DHRSX: variants seen among roughly 807,000 people sequenced by gnomAD.
DHRSX encodes the protein polyprenol dehydrogenase.
In DHRSX, 31 loss-of-function variants were observed where a neutral mutation model predicts 34.0. That is an observed-to-expected ratio of 0.91 (90% CI 0.69 to 1.23). The LOEUF (loss-of-function observed/expected upper bound fraction) is 1.23. DHRSX is among the 50% of genes most tolerant of loss of function. The pLI is 0.00. For missense variants in DHRSX, 414 were observed against 428.1 expected (o/e 0.97, Z 0.29); for synonymous variants, 201 against 183.8 (o/e 1.09, Z -0.76).
intron 3 of DHRSX, among the ~76,000 whole-genome samples, chrX:2,400,205 T>C (rs956311789): frequency 2.2e-4 from 33 of 152,304 alleles, no homozygotes; most frequent in African/African-American, 7.7e-4. Context: ...CTCTCAAGGA[T>C]TCTATGCCCT....
chrX:2,442,541 A>G (rs2044076779), intron 1 of DHRSX, among the ~76,000 whole-genome samples: 1 of 152,000 alleles, frequency 6.6e-6, no homozygotes, highest in African/African-American at 2.4e-5. Context: ...CACACTGGCC[A>G]TCAGCGTCAC....
rs747275735 is a variant in DHRSX at position 2,259,714 on chromosome X, C to T, written c.596+7026G>A. Among the ~76,000 whole-genome samples, 21 of 152,252 alleles carry T rather than the reference C, an allele frequency of 1.4e-4. No homozygotes were observed. In the South Asian group the frequency reaches 1.7e-3, roughly 12 times the overall value. On this transcript the variant is annotated intron_variant, in intron 5 of 6. Transcript: ENST00000334651. The stretch of plus-strand genomic sequence containing the variant: ...TCTTCTAGGGCAGGAACCCTTCCTG[C>T]CTTTCCCAGCTTCTGGGGGCTCGGG...
At chrX:2,397,263 T>C (rs1375871918) in intron 3 of DHRSX, among the ~76,000 whole-genome samples, 4 of 151,988 alleles carry the variant, frequency 2.6e-5, no homozygotes, top group African/African-American at 9.7e-5. Context: ...GCCTCCCGAG[T>C]AGCTGGGACC....
intron 5 of DHRSX, among the ~76,000 whole-genome samples, chrX:2,260,246 G>A (rs2041345116): frequency 6.6e-6 from 1 of 151,458 alleles, no homozygotes; most frequent in Non-Finnish European, 1.5e-5. Flanking sequence ...AATATTATGT[G>A]TTAACCTGAC....
intron 3 of DHRSX, among the ~76,000 whole-genome samples, chrX:2,301,272 G>T (rs2042005710): frequency 6.6e-6 from 1 of 152,196 alleles, no homozygotes; most frequent in African/African-American, 2.4e-5. Flanking sequence ...ACTTAGCTGG[G>T]CATGGTGGTG....
At chrX:2,470,445 C>T (rs7879207) in intron 1 of DHRSX, among the ~76,000 whole-genome samples, 29,943 of 150,496 alleles carry the variant, frequency 0.2, 3,499 homozygotes, top group African/African-American at 0.38. Flanking sequence ...TGGTGGCATG[C>T]ACCTGTAGTC....
chrX:2,459,848 C>G (rs2044378807), intron 1 of DHRSX, among the ~76,000 whole-genome samples: 1 of 152,042 alleles, frequency 6.6e-6, no homozygotes, highest in Non-Finnish European at 1.5e-5. Flanking sequence ...TGGCTCACGC[C>G]TGTCATCCCA....
At chrX:2,271,170 G>C (rs1266279414) in intron 4 of DHRSX, among the ~76,000 whole-genome samples, 1 of 152,202 alleles carries the variant, frequency 6.6e-6, no homozygotes, top group Non-Finnish European at 1.5e-5. Context: ...CTTCACTCCT[G>C]AAGTCAGCGA....
chrX:2,254,943 CACG>C (rs2041255700), intron 5 of DHRSX, among the ~76,000 whole-genome samples: 3 of 124,200 alleles, frequency 2.4e-5, no homozygotes, highest in Non-Finnish European at 3.6e-5. Flanking sequence ...GTGCCTGCCC[CACG>C]CCCCCCCCCT....
rs774964103 is a variant in DHRSX at position 2,488,563 on chromosome X, CG to C, written c.109+12253del. 4.5e-4 allele frequency: 671 copies of C among 1,502,358 alleles called. 3 individuals are homozygous for C. The African/African-American group carries it at 8.4e-3, about 19-fold the overall frequency. The allele number at this position is 1,502,358 out of a possible 1,614,324, so 93.1% of individuals were successfully genotyped here. Reference sequence around the variant, plus strand: ...CTCTGAGGTTCAAAACCAAGCTGACCGGGTAAGTATTTACAGCAAAGCATCC... The same window carrying C: ...CTCTGAGGTTCAAAACCAAGCTGACCGGTAAGTATTTACAGCAAAGCATCC... On this transcript the variant is annotated intron_variant, in intron 1 of 6. Coordinates refer to ENST00000334651, the MANE Select transcript of DHRSX (RefSeq NM_145177.3).
intron 3 of DHRSX, among the ~76,000 whole-genome samples, chrX:2,403,066 A>C (rs1203895783): frequency 6.6e-6 from 1 of 151,982 alleles, no homozygotes; most frequent in African/African-American, 2.4e-5. Context: ...TGTTTTTAGT[A>C]GAGACGGGGT....
intron 2 of DHRSX, among the ~76,000 whole-genome samples, chrX:2,421,216 T>C (rs1467250294): frequency 6.6e-6 from 1 of 152,038 alleles, no homozygotes; most frequent in Non-Finnish European, 1.5e-5. Context: ...CCATCTCTAC[T>C]AAAACTACAA....
intron 1 of DHRSX, among the ~76,000 whole-genome samples, chrX:2,444,804 T>C (rs1241366021): frequency 1.3e-5 from 2 of 151,360 alleles, no homozygotes; most frequent in East Asian, 3.9e-4. Flanking sequence ...CACTGCACTC[T>C]AGCCTGTGGG....
Position 2,243,158 on chromosome X carries a change from C to T in DHRSX, c.669G>A (p.Gln223=). The T allele has an allele frequency of 1.2e-6, 2 of 1,613,944 alleles. No homozygotes were observed. The highest frequency in any genetic ancestry group is 2.2e-5 in the East Asian group (1 of 44,880). ...LALVLFTYHL[Q]RLLAAEGSHV... is the part of the protein sequence containing the mutation. The stretch of plus-strand genomic sequence containing the variant: ...GGCTTCCCTCAGCCGCCAGCAGCCG[C>T]TGGAGGTGGTAGGTGAACAGGACAA... The change falls in exon 6 of 7, where the codon CAG becomes CAA. Residue 223 remains glutamine, a synonymous_variant. Transcript: ENST00000334651.
At chrX:2,318,003 G>A (rs73187628) in intron 3 of DHRSX, among the ~76,000 whole-genome samples, 27,866 of 151,888 alleles carry the variant, frequency 0.18, 2,785 homozygotes, top group Admixed American at 0.24. Context: ...GAGCATCTCC[G>A]CTGGGGAGGG....
intron 1 of DHRSX, chrX:2,490,034 C>T (rs1258580434): frequency 6.2e-7 from 1 of 1,613,820 alleles, no homozygotes; most frequent in South Asian, 1.1e-5. Context: ...GCAGCGGGAG[C>T]CCATGGACAG....
At chrX:2,472,726 A>G (rs2044612223) in intron 1 of DHRSX, among the ~76,000 whole-genome samples, 1 of 152,048 alleles carries the variant, frequency 6.6e-6, no homozygotes, top group Non-Finnish European at 1.5e-5. Context: ...CCCAGATCAT[A>G]CCATTGCACT....
intron 5 of DHRSX, among the ~76,000 whole-genome samples, chrX:2,247,344 A>T (rs1487245083): frequency 6.6e-6 from 1 of 150,606 alleles, no homozygotes; most frequent in Admixed American, 6.6e-5. Context: ...ATTACAGAGC[A>T]GACCCTGAAA....
chrX:2,373,939 G>C (rs1381369452), intron 3 of DHRSX, among the ~76,000 whole-genome samples: 1 of 152,092 alleles, frequency 6.6e-6, no homozygotes, highest in African/African-American at 2.4e-5. Flanking sequence ...GAAGAAAAAA[G>C]GTCAATGATA....
Sources: allele counts gnomAD v4.1 joint callset (sites outside exome capture counted in the v4.1 genomes callset), GRCh38; gene constraint gnomAD v4.1.1; transcripts MANE v1.5; gene names NCBI Gene and HGNC (gene_info 2026-07-23, HGNC 2026-07-21).